MAPK10: variants seen among roughly 807,000 people sequenced by gnomAD.
The protein encoded by MAPK10 is mitogen-activated protein kinase 10, also known as JNK3 alpha protein kinase.
A neutral mutation model predicts 59.3 loss-of-function variants in MAPK10; 25 were observed. The observed-to-expected ratio is 0.42, with a 90% confidence interval of 0.31 to 0.59. MAPK10 has a LOEUF of 0.59. MAPK10 is among the 20% of genes least tolerant of loss of function. MAPK10 has a pLI of 0.15. For missense variants in MAPK10, 351 were observed against 568.9 expected, an observed-to-expected ratio of 0.62 and a Z score of 3.90; for synonymous variants, 190 against 200.5, an observed-to-expected ratio of 0.95 and a Z score of 0.44.
At chr4:86,290,392 C>A (rs1164810841) in intron 2 of MAPK10, among the ~76,000 whole-genome samples, 1 of 152,172 alleles carries the variant, frequency 6.6e-6, no homozygotes, top group Non-Finnish European at 1.5e-5. Flanking sequence ...ACATAGATGG[C>A]AACCTCTCTT....
intron 11 of MAPK10, among the ~76,000 whole-genome samples, chr4:86,049,245 T>C (rs536765995): frequency 1.3e-5 from 2 of 152,218 alleles, no homozygotes; most frequent in Admixed American, 1.3e-4. Flanking sequence ...GTTAATGAGT[T>C]GATGACTGTC....
chr4:86,588,212 G>T (rs1762766984), intron 1 of MAPK10, among the ~76,000 whole-genome samples: 1 of 152,164 alleles, frequency 6.6e-6, no homozygotes, highest in Admixed American at 6.5e-5. Flanking sequence ...TTGAGTTAGA[G>T]TGTGTCATGA....
At chr4:86,274,591 A>G (rs143780366) in intron 2 of MAPK10, among the ~76,000 whole-genome samples, 45 of 151,506 alleles carry the variant, frequency 3.0e-4, no homozygotes, top group African/African-American at 1.1e-3. Flanking sequence ...CTCTTGCTTT[A>G]TATCCTCTGC....
At chr4:86,082,697 A>C (rs1450076790) in intron 9 of MAPK10, among the ~76,000 whole-genome samples, 1 of 152,190 alleles carries the variant, frequency 6.6e-6, no homozygotes, top group South Asian at 2.1e-4. Flanking sequence ...ACTTATCTAG[A>C]TAAGTTGGTT....
chr4:86,075,121 C>T (rs980456282), intron 9 of MAPK10, among the ~76,000 whole-genome samples: 18 of 151,650 alleles, frequency 1.2e-4, no homozygotes, highest in Non-Finnish European at 2.2e-4. Context: ...CTAAACTTCC[C>T]TTCTCGCTTC....
At chr4:86,054,886 G>A (rs2044254029) in intron 11 of MAPK10, among the ~76,000 whole-genome samples, 1 of 152,210 alleles carries the variant, frequency 6.6e-6, no homozygotes, top group Non-Finnish European at 1.5e-5. Flanking sequence ...TGGCAGGACA[G>A]ATGGAGAGAA....
intron 1 of MAPK10, among the ~76,000 whole-genome samples, chr4:86,577,423 T>TA (rs1272631382): frequency 2.6e-5 from 4 of 151,916 alleles, no homozygotes; most frequent in African/African-American, 9.7e-5. Context: ...ACAATAAAGA[T>TA]AAAGAGAATC....
intron 2 of MAPK10, among the ~76,000 whole-genome samples, chr4:86,205,383 T>C (rs1057063932): frequency 6.6e-6 from 1 of 151,932 alleles, no homozygotes; most frequent in African/African-American, 2.4e-5. Context: ...GCTGAAAAAT[T>C]CACGATCACA....
At chr4:86,103,079 G>GTATGTA in intron 6 of MAPK10, 107 bp downstream of exon 6, 1 of 601,474 alleles carries the variant, frequency 1.7e-6, no homozygotes, top group Non-Finnish European at 3.0e-6. Context: ...TCAACTCTGT[G>GTATGTA]TGTGTGTGTG....
intron 11 of MAPK10, among the ~76,000 whole-genome samples, chr4:86,041,996 G>T (rs72662006): frequency 0.036 from 5,423 of 152,198 alleles, 141 homozygotes; most frequent in Middle Eastern, 0.075. Context: ...AAATTATTCT[G>T]TTCTAAAGAC....
intron 2 of MAPK10, among the ~76,000 whole-genome samples, chr4:86,223,878 C>T (rs1020668984): frequency 6.6e-6 from 1 of 152,134 alleles, no homozygotes; most frequent in Admixed American, 6.5e-5. Context: ...AGAAACATGC[C>T]CTGCTCTCCC....
intron 11 of MAPK10, chr4:86,040,890 C>T (rs2041380436): frequency 6.6e-6 from 1 of 152,104 alleles, no homozygotes; most frequent in Non-Finnish European, 1.5e-5. Context: ...AGTTGTCCTT[C>T]AGAAAAGGAG....
intron 2 of MAPK10, among the ~76,000 whole-genome samples, chr4:86,263,559 T>C (rs1401262969): frequency 6.6e-6 from 1 of 152,048 alleles, no homozygotes; most frequent in Non-Finnish European, 1.5e-5. Context: ...TTATAGCCAC[T>C]GCCACTTATA....
intron 9 of MAPK10, among the ~76,000 whole-genome samples, chr4:86,070,072 C>T (rs1312615780): frequency 6.6e-6 from 1 of 152,136 alleles, no homozygotes; most frequent in Admixed American, 6.6e-5. Context: ...AAATGAAACA[C>T]TGTTGTGATT....
chr4:86,291,647 T>C (rs1481057851), intron 2 of MAPK10, among the ~76,000 whole-genome samples: 1 of 152,234 alleles, frequency 6.6e-6, no homozygotes, highest in African/African-American at 2.4e-5. Flanking sequence ...TACCGTAGTA[T>C]AAATTTCTAA....
chr4:86,278,600 A>G (rs957899772), intron 2 of MAPK10, among the ~76,000 whole-genome samples: 11 of 152,194 alleles, frequency 7.2e-5, no homozygotes, highest in African/African-American at 2.7e-4. Context: ...CTGAAGTTTC[A>G]AACAGAAGCA....
intron 4 of MAPK10, among the ~76,000 whole-genome samples, chr4:86,121,144 T>A (rs1341414439): frequency 2.0e-5 from 3 of 152,224 alleles, no homozygotes; most frequent in African/African-American, 4.8e-5. Flanking sequence ...CATGCAGCTA[T>A]GTCTTAGTCT....
chr4:86,054,543 A>G (rs1324060096), intron 11 of MAPK10, among the ~76,000 whole-genome samples: 1 of 152,190 alleles, frequency 6.6e-6, no homozygotes, highest in South Asian at 2.1e-4. Context: ...AACTCCACAA[A>G]TGGAATTACA....
intron 1 of MAPK10, among the ~76,000 whole-genome samples, chr4:86,561,529 T>G (rs1401983261): frequency 6.6e-6 from 1 of 152,214 alleles, no homozygotes; most frequent in Non-Finnish European, 1.5e-5. Context: ...TTGCTTCCCT[T>G]GTTGATTTAC....
Sources: allele counts gnomAD v4.1 joint callset (sites outside exome capture counted in the v4.1 genomes callset), GRCh38; gene constraint gnomAD v4.1.1; transcripts MANE v1.5; gene names NCBI Gene and HGNC (gene_info 2026-07-23, HGNC 2026-07-21).